NKAIN3: variants seen among roughly 807,000 people sequenced by gnomAD.
NKAIN3 encodes the protein sodium/potassium transporting ATPase interacting 3, also known as sodium/potassium-transporting ATPase subunit beta-1-interacting protein 3.
Under a neutral mutation model 30.2 loss-of-function variants are expected in NKAIN3, and 25 were observed. The observed-to-expected ratio is 0.83, with a 90% CI of 0.60 to 1.16. The LOEUF (loss-of-function observed/expected upper bound fraction) is 1.16, where lower values mean the gene tolerates loss of function less well. NKAIN3 is among the 50% of genes most tolerant of loss of function. The pLI is 0.00. For missense variants in NKAIN3, 225 were observed against 254.1 expected (o/e 0.89, Z 0.78); for synonymous variants, 91 against 89.6 (o/e 1.02, Z -0.09).
chr8:62,433,099 T>A (rs775094749), intron 1 of NKAIN3, among the ~76,000 whole-genome samples: 135 of 152,312 alleles, frequency 8.9e-4, no homozygotes, highest in Admixed American at 2.6e-3. Flanking sequence ...CTGGCACTTT[T>A]AAAAATGATT....
intron 1 of NKAIN3, among the ~76,000 whole-genome samples, chr8:62,303,773 TA>T (rs1233051020): frequency 2.0e-5 from 3 of 150,776 alleles, no homozygotes; most frequent in Non-Finnish European, 4.4e-5. Context: ...GCCTGATGCA[TA>T]AAAGAAATAC....
chr8:62,632,923 G>A (rs141253126), intron 3 of NKAIN3, among the ~76,000 whole-genome samples: 278 of 152,248 alleles, frequency 1.8e-3, no homozygotes, highest in African/African-American at 6.5e-3. Flanking sequence ...CTGCCTAGGG[G>A]AAATGCCCCA....
At chr8:62,488,496 A>G (rs13262563) in intron 1 of NKAIN3, among the ~76,000 whole-genome samples, 15,274 of 152,130 alleles carry the variant, frequency 0.1, 825 homozygotes, top group East Asian at 0.13. Flanking sequence ...TTTCATCTTC[A>G]TATCCCTATT....
chr8:62,343,642 C>G (rs773134303), intron 1 of NKAIN3, among the ~76,000 whole-genome samples: 2 of 151,692 alleles, frequency 1.3e-5, no homozygotes, highest in Non-Finnish European at 2.9e-5. Context: ...AGATCCCATG[C>G]CTTCAAAAAA....
chr8:62,903,801 C>A (rs1438713338), intron 4 of NKAIN3, among the ~76,000 whole-genome samples: 2 of 152,082 alleles, frequency 1.3e-5, no homozygotes, highest in Non-Finnish European at 2.9e-5. Flanking sequence ...GCAGAAGGCA[C>A]CTTTTCACAG....
At chr8:62,427,227 G>T (rs1804834896) in intron 1 of NKAIN3, among the ~76,000 whole-genome samples, 1 of 152,026 alleles carries the variant, frequency 6.6e-6, no homozygotes, top group Admixed American at 6.6e-5. Context: ...TTGGAAACCT[G>T]TTTTATTATG....
At position 62,965,807 on chromosome 8, in the gene NKAIN3, T is replaced by A. The variant is rs560435654; in HGVS notation, c.*400T>A. 8.1e-6 allele frequency: 8 copies of A among 985,220 alleles called. No individual in the cohort carries two copies. The highest frequency in any genetic ancestry group is 1.7e-5 in the African/African-American group (1 of 57,242). 61.0% of individuals were successfully genotyped at this position (985,220 alleles called of 1,614,324 possible). ...ACTGTTGAAGTTATTCTAGGCCTGATGAATTTGTTTTAGCAGACATTACCT... is the reference window on the plus strand; with the variant it reads ...ACTGTTGAAGTTATTCTAGGCCTGAAGAATTTGTTTTAGCAGACATTACCT... On this transcript the variant is annotated 3_prime_UTR_variant, in exon 7 of 7. Transcript: ENST00000623646.
At chr8:62,689,491 C>T (rs1426390171) in intron 3 of NKAIN3, among the ~76,000 whole-genome samples, 1 of 152,148 alleles carries the variant, frequency 6.6e-6, no homozygotes, top group African/African-American at 2.4e-5. Flanking sequence ...CCATCAGAAG[C>T]TCCCAAACAA....
chr8:62,396,429 C>T (rs1312429262), intron 1 of NKAIN3, among the ~76,000 whole-genome samples: 1 of 152,174 alleles, frequency 6.6e-6, no homozygotes, highest in Non-Finnish European at 1.5e-5. Flanking sequence ...GCTTTTCTTA[C>T]AAAGGCAGTT....
At position 62,876,138 on chromosome 8, in the gene NKAIN3, ACAAC is replaced by A. The variant is rs1202546169; in HGVS notation, c.472-42313_472-42310del. On this transcript the variant is annotated intron_variant, in intron 4 of 6. Transcript: ENST00000623646. ...ATTTAAACATATTTACAAGAAACAA[ACAAC>A]CCCATCAAAAAGCGGGCAAAGGATA... 3.3e-5 allele frequency among the ~76,000 whole-genome samples: 5 copies of A among 152,280 alleles called. No individual in the cohort carries two copies. In the South Asian group the frequency reaches 1.0e-3, roughly 32 times the overall value.
intron 3 of NKAIN3, among the ~76,000 whole-genome samples, 195 bp from the exon 4 acceptor site, chr8:62,746,737 A>G (rs866176379): frequency 1.3e-5 from 2 of 152,236 alleles, no homozygotes; most frequent in African/African-American, 4.8e-5. Context: ...TTATCTCCCC[A>G]TTGAATAACT....
chr8:62,820,298 T>C (rs1818811058), intron 4 of NKAIN3, among the ~76,000 whole-genome samples: 1 of 152,092 alleles, frequency 6.6e-6, no homozygotes, highest in African/African-American at 2.4e-5. Flanking sequence ...CCTTTTTTAA[T>C]AGTATAAACA....
In NKAIN3 at chr8:62,919,135, A is replaced by C. The variant is rs1822195648; in HGVS notation, c.532+622A>C. Among the ~76,000 whole-genome samples, 3 of 151,580 alleles carry C rather than the reference A, an allele frequency of 2.0e-5. No individual in the cohort carries two copies. The South Asian group carries it at 6.2e-4, about 31-fold the overall frequency. On this transcript the variant is annotated intron_variant, in intron 5 of 6. Transcript: ENST00000623646. ...TGATAGAGCTTTAGCACCATAGGTC[A>C]ACAAATGACTTTCATTGAGTACCTG...
intron 4 of NKAIN3, chr8:62,855,556 G>T: frequency 6.5e-7 from 1 of 1,540,228 alleles, no homozygotes; most frequent in Non-Finnish European, 9.0e-7. Context: ...CCACCAGGGA[G>T]TCCAATCTTT....
intron 5 of NKAIN3, among the ~76,000 whole-genome samples, chr8:62,926,376 C>T (rs61628129): frequency 6.6e-6 from 1 of 152,004 alleles, no homozygotes; most frequent in Admixed American, 6.5e-5. Flanking sequence ...TGCCAGCCCC[C>T]CTGTGGGTTT....
intron 1 of NKAIN3, among the ~76,000 whole-genome samples, chr8:62,345,355 A>G (rs537458936): frequency 2.5e-4 from 3 of 12,026 alleles, no homozygotes; most frequent in Non-Finnish European, 9.9e-4. Flanking sequence ...ACACATATAC[A>G]CATATATGTA....
intron 1 of NKAIN3, among the ~76,000 whole-genome samples, chr8:62,382,960 G>A (rs1047578176): frequency 3.9e-5 from 6 of 152,158 alleles, no homozygotes; most frequent in Middle Eastern, 3.4e-3. Context: ...AGACTTTCAC[G>A]ATGTTCTTTC....
chr8:62,476,687 C>A (rs1316655899), intron 1 of NKAIN3, among the ~76,000 whole-genome samples: 1 of 152,036 alleles, frequency 6.6e-6, no homozygotes, highest in East Asian at 1.9e-4. Flanking sequence ...GATGTCCTGA[C>A]CTCGTGATCC....
chr8:62,705,977 G>C (rs1814507298), intron 3 of NKAIN3, among the ~76,000 whole-genome samples: 1 of 152,116 alleles, frequency 6.6e-6, no homozygotes, highest in Non-Finnish European at 1.5e-5. Context: ...TTTAAAGCCT[G>C]ATTGCTCCTG....
Sources: gnomAD v4.1 joint callset for allele counts (sites outside exome capture counted in the v4.1 genomes callset) on GRCh38, gnomAD v4.1.1 for gene constraint, MANE v1.5 for transcripts, NCBI Gene and HGNC (gene_info 2026-07-23, HGNC 2026-07-21) for gene names.